DOCK3: variants seen among roughly 807,000 people sequenced by gnomAD.
The protein encoded by DOCK3 is dedicator of cytokinesis 3, also known as dedicator of cytokinesis protein 3.
A neutral mutation model predicts 265.6 loss-of-function variants in DOCK3; 60 were observed. That is an observed-to-expected ratio of 0.23 (90% CI 0.18 to 0.28). DOCK3 has a LOEUF of 0.28. Ranked by LOEUF, DOCK3 falls within the 10% of genes least tolerant of loss-of-function variation. The pLI is 1.00. For synonymous variants in DOCK3, 881 were observed against 938.0 expected, an observed-to-expected ratio of 0.94 and a Z score of 1.11; for missense variants, 1,981 against 2,594.3, an observed-to-expected ratio of 0.76 and a Z score of 5.14.
At chr3:51,057,958 C>T (rs1437737766) in intron 5 of DOCK3, among the ~76,000 whole-genome samples, 1 of 152,092 alleles carries the variant, frequency 6.6e-6, no homozygotes, top group Non-Finnish European at 1.5e-5. Flanking sequence ...ACAAACCATC[C>T]AAAGCTTAGT....
chr3:51,282,345 ATAAT>A (rs35969465), intron 27 of DOCK3, among the ~76,000 whole-genome samples: 120,965 of 151,686 alleles, frequency 0.8, 49,013 homozygotes, highest in Middle Eastern at 0.89. Context: ...CATCAAGTTA[ATAAT>A]TTAAGATTTC....
At chr3:51,282,810 A>G (rs1374472799) in intron 27 of DOCK3, among the ~76,000 whole-genome samples, 1 of 152,230 alleles carries the variant, frequency 6.6e-6, no homozygotes, top group Non-Finnish European at 1.5e-5. Context: ...AGAAGAGGAC[A>G]GAACATTTAC....
At chr3:51,343,079 CAAG>C (rs1443158912) in intron 38 of DOCK3, among the ~76,000 whole-genome samples, 1 of 151,764 alleles carries the variant, frequency 6.6e-6, no homozygotes, top group Non-Finnish European at 1.5e-5. Flanking sequence ...TCCGGGTTTT[CAAG>C]AAGAAAACCA....
intron 3 of DOCK3, among the ~76,000 whole-genome samples, chr3:50,854,192 T>C (rs1441557851): frequency 3.9e-5 from 6 of 152,178 alleles, no homozygotes; most frequent in African/African-American, 1.4e-4. Context: ...AAGTTCCTTA[T>C]AGATTCTAGA....
intron 27 of DOCK3, among the ~76,000 whole-genome samples, chr3:51,285,759 C>T (rs2081369027): frequency 6.6e-6 from 1 of 151,886 alleles, no homozygotes; most frequent in Admixed American, 6.6e-5. Context: ...ATAGCGAAAC[C>T]CCGTCTCTAC....
intron 32 of DOCK3, among the ~76,000 whole-genome samples, chr3:51,327,862 A>G (rs1257634637): frequency 1.3e-5 from 2 of 151,830 alleles, no homozygotes; most frequent in Non-Finnish European, 2.9e-5. Context: ...TTGTATTTTT[A>G]GTAGAGATGG....
At chr3:51,351,503 A>T (rs757244245) in intron 40 of DOCK3, among the ~76,000 whole-genome samples, 16 of 152,174 alleles carry the variant, frequency 1.1e-4, no homozygotes, top group Non-Finnish European at 2.1e-4. Flanking sequence ...GGCAGTAATC[A>T]TTCTAGGCTA....
intron 3 of DOCK3, among the ~76,000 whole-genome samples, chr3:50,865,943 G>T (rs1318116531): frequency 6.6e-6 from 1 of 152,098 alleles, no homozygotes; most frequent in African/African-American, 2.4e-5. Flanking sequence ...TTTGCAGTTG[G>T]TATATTTTCT....
intron 5 of DOCK3, among the ~76,000 whole-genome samples, chr3:50,951,029 A>G (rs1193144384): frequency 6.6e-6 from 1 of 151,982 alleles, no homozygotes; most frequent in South Asian, 2.1e-4. Context: ...GAAAGCTCCT[A>G]TTTCTTTTAA....
At chr3:50,911,890 CTTGT>C (rs1270554342) in intron 4 of DOCK3, among the ~76,000 whole-genome samples, 1 of 151,830 alleles carries the variant, frequency 6.6e-6, no homozygotes, top group Non-Finnish European at 1.5e-5. Context: ...CTTTCACTAC[CTTGT>C]TTAATTTATT....
At chr3:50,766,320 T>G in intron 1 of DOCK3, among the ~76,000 whole-genome samples, 1 of 133,476 alleles carries the variant, frequency 7.5e-6, no homozygotes, top group Non-Finnish European at 1.5e-5. Context: ...CCCCTTCCTA[T>G]GTCCAAGTGT....
At chr3:51,252,441 A>C (rs1182468283) in intron 22 of DOCK3, among the ~76,000 whole-genome samples, 1 of 152,304 alleles carries the variant, frequency 6.6e-6, no homozygotes, top group East Asian at 1.9e-4. Flanking sequence ...GAATCTATAA[A>C]TTACCTTGGG....
chr3:50,926,792 T>G (rs71329023), intron 4 of DOCK3, among the ~76,000 whole-genome samples: 14,357 of 152,242 alleles, frequency 0.094, 837 homozygotes, highest in Non-Finnish European at 0.12. Flanking sequence ...TCACATTATG[T>G]CATGGAATGA....
intron 5 of DOCK3, among the ~76,000 whole-genome samples, chr3:51,059,969 C>T (rs1009570031): frequency 6.6e-6 from 1 of 151,950 alleles, no homozygotes; most frequent in African/African-American, 2.4e-5. Flanking sequence ...TTTAAAAACC[C>T]TTCCTTAACC....
intron 3 of DOCK3, among the ~76,000 whole-genome samples, chr3:50,856,175 A>G (rs2046588257): frequency 6.6e-6 from 1 of 152,146 alleles, no homozygotes; most frequent in Admixed American, 6.5e-5. Context: ...TAATAGAATG[A>G]TTTATATTAC....
At chr3:51,050,728 G>A (rs1051231656) in intron 5 of DOCK3, among the ~76,000 whole-genome samples, 1 of 152,010 alleles carries the variant, frequency 6.6e-6, no homozygotes, top group South Asian at 2.1e-4. Flanking sequence ...TTCTTCTCAG[G>A]CCTTCAGCAT....
intron 9 of DOCK3, among the ~76,000 whole-genome samples, chr3:51,131,610 A>G (rs2084549883): frequency 6.6e-6 from 1 of 152,158 alleles, no homozygotes; most frequent in Non-Finnish European, 1.5e-5. Flanking sequence ...TTCTGCTTGT[A>G]TAAATTAAGT....
At chr3:51,058,498 T>C (rs1165796512) in intron 5 of DOCK3, among the ~76,000 whole-genome samples, 1 of 152,256 alleles carries the variant, frequency 6.6e-6, no homozygotes, top group African/African-American at 2.4e-5. Context: ...GGCATAGATA[T>C]TGTATATGTG....
intron 2 of DOCK3, among the ~76,000 whole-genome samples, chr3:50,807,183 T>G (rs1396015431): frequency 6.6e-6 from 1 of 152,114 alleles, no homozygotes; most frequent in African/African-American, 2.4e-5. Flanking sequence ...TTTTTTACCT[T>G]TGTTGGTTCT....
Sources: gnomAD v4.1 joint callset for allele counts (sites outside exome capture counted in the v4.1 genomes callset) on GRCh38, gnomAD v4.1.1 for gene constraint, MANE v1.5 for transcripts, NCBI Gene and HGNC (gene_info 2026-07-23, HGNC 2026-07-21) for gene names.